Variants in FAM185A observed in about 807,000 individuals in gnomAD.
FAM185A encodes family with sequence similarity 185 member A.
FAM185A carries 21 observed loss-of-function variants against 45.7 expected under a neutral mutation model. That is an observed-to-expected ratio of 0.46 (90% CI 0.33 to 0.66). The LOEUF (loss-of-function observed/expected upper bound fraction) is 0.66, where lower values mean the gene tolerates loss of function less well. Ranked by LOEUF, FAM185A falls within the 30% of genes least tolerant of loss-of-function variation. The pLI, the probability that FAM185A is intolerant of heterozygous loss-of-function variation, is 0.03. For missense variants in FAM185A, 305 were observed against 485.4 expected (o/e 0.63, Z 3.49); for synonymous variants, 117 against 194.0 (o/e 0.60, Z 3.30).
In FAM185A at chr7:102,749,141, G is replaced by A; in HGVS notation, c.-67G>A. 6.5e-7 allele frequency: 1 copy of A among 1,536,280 alleles called. No individual in the cohort carries two copies. Among genetic ancestry groups the A allele is most frequent in the Non-Finnish European group, 8.8e-7 (1 of 1,133,916 alleles). The stretch of plus-strand genomic sequence containing the variant: ...CTTGAGGCGGCACAGTGGCCAAGTC[G>A]ATTGGCCGTGGCAAGTGACCCTCCC... On this transcript the variant is annotated 5_prime_UTR_variant, in exon 1 of 8. Coordinates refer to ENST00000413034, the MANE Select transcript of FAM185A (RefSeq NM_001145268.2).
the FAM185A span, among the ~76,000 whole-genome samples, chr7:102,824,214 T>C: frequency 6.6e-6 from 1 of 152,214 alleles, no homozygotes; most frequent in Admixed American, 6.5e-5. Flanking sequence ...AAGGTCCTGC[T>C]CCCAGCCTCA....
the FAM185A span, among the ~76,000 whole-genome samples, chr7:102,831,074 G>C: frequency 6.6e-6 from 1 of 152,104 alleles, no homozygotes; most frequent in African/African-American, 2.4e-5. Flanking sequence ...AGTCATTTTA[G>C]GTCTTTCATC....
chr7:102,789,290 A>T (rs572114933), intron 7 of FAM185A, among the ~76,000 whole-genome samples: 1 of 152,308 alleles, frequency 6.6e-6, no homozygotes, highest in Non-Finnish European at 1.5e-5. Context: ...CTAATTTTTA[A>T]AAAGTTTTTA....
intron 3 of FAM185A, among the ~76,000 whole-genome samples, chr7:102,760,951 C>A (rs1794075944): frequency 6.6e-6 from 1 of 151,972 alleles, no homozygotes; most frequent in Admixed American, 6.6e-5. Context: ...TTAAAAGATA[C>A]CTTGTACAAT....
chr7:102,793,096 A>G (rs1271416105), intron 7 of FAM185A, among the ~76,000 whole-genome samples: 8 of 152,380 alleles, frequency 5.3e-5, no homozygotes, highest in Admixed American at 2.6e-4. Flanking sequence ...AAGAAATTCA[A>G]TAACAGAATG....
At chr7:102,790,676 C>T (rs1408649242) in intron 7 of FAM185A, among the ~76,000 whole-genome samples, 2 of 152,220 alleles carry the variant, frequency 1.3e-5, no homozygotes, top group East Asian at 1.9e-4. Flanking sequence ...ACTATTCTCA[C>T]GACTTCAGTC....
At chr7:102,751,073 C>G (rs1793333613) in intron 1 of FAM185A, among the ~76,000 whole-genome samples, 1 of 152,102 alleles carries the variant, frequency 6.6e-6, no homozygotes, top group African/African-American at 2.4e-5. Flanking sequence ...GCTACCATGC[C>G]CGGCTAATGT....
At chr7:102,779,450 C>A (rs931197850) in intron 6 of FAM185A, among the ~76,000 whole-genome samples, 8 of 152,110 alleles carry the variant, frequency 5.3e-5, no homozygotes, top group Non-Finnish European at 8.8e-5. Flanking sequence ...AGGACAGAGA[C>A]AAGTGTTCAT....
chr7:102,822,719 T>G, the FAM185A span, among the ~76,000 whole-genome samples: 1 of 152,364 alleles, frequency 6.6e-6, no homozygotes, highest in Non-Finnish European at 1.5e-5. Context: ...AGTGAGTTGT[T>G]TAACTGTTTC....
chr7:102,768,839 G>C (rs1794571652), intron 4 of FAM185A, among the ~76,000 whole-genome samples: 1 of 151,962 alleles, frequency 6.6e-6, no homozygotes, highest in Non-Finnish European at 1.5e-5. Flanking sequence ...ACCATCTGGT[G>C]TCTGCTTTAT....
chr7:102,809,616 C>A (rs1357299933), downstream of FAM185A, among the ~76,000 whole-genome samples: 1 of 152,048 alleles, frequency 6.6e-6, no homozygotes, highest in East Asian at 1.9e-4. Flanking sequence ...GCAGGAGAAT[C>A]GCTTGAACCT....
At chr7:102,813,494 G>A (rs749127586), downstream of FAM185A, 2 of 1,614,006 alleles carry the variant, frequency 1.2e-6, no homozygotes, top group African/African-American at 1.3e-5. Flanking sequence ...TTGTATTCCT[G>A]CTGCTGAACT....
chr7:102,750,232 G>A (rs1793279385), intron 1 of FAM185A, among the ~76,000 whole-genome samples: 1 of 152,146 alleles, frequency 6.6e-6, no homozygotes, highest in Non-Finnish European at 1.5e-5. Context: ...CAATAATAAT[G>A]CCTGCAAGAT....
At chr7:102,831,649 G>A in the FAM185A span, among the ~76,000 whole-genome samples, 1 of 152,064 alleles carries the variant, frequency 6.6e-6, no homozygotes, top group Non-Finnish European at 1.5e-5. Flanking sequence ...CAGTTCCAAA[G>A]GTACACGGTG....
At chr7:102,778,201 C>G (rs1347499657) in intron 6 of FAM185A, among the ~76,000 whole-genome samples, 1 of 152,156 alleles carries the variant, frequency 6.6e-6, no homozygotes, top group African/African-American at 2.4e-5. Context: ...TTTTTTTAAT[C>G]CATCTCTAGA....
Position 102,755,853 on chromosome 7 carries a change from G to C in FAM185A, c.562-2001G>C. ...CGATGAGACCCACTGTCACTGGGAC[G>C]GCAATGTCCTGGGTCCCAAGTCTGT... On this transcript the variant is annotated intron_variant, in intron 2 of 7. Transcript: ENST00000413034. The C allele has an allele frequency of 7.7e-6, 5 of 649,908 alleles. No homozygotes were observed. The South Asian group carries it at 8.1e-5, about 11-fold the overall frequency. The allele number at this position is 649,908 out of a possible 1,614,324, so 40.3% of individuals were successfully genotyped here. A position where few individuals can be genotyped will look rare whatever the true frequency, so the allele number is the denominator to read the frequency against.
chr7:102,834,138 G>GAAAGAAAGAAAGA, the FAM185A span, among the ~76,000 whole-genome samples: 1 of 123,888 alleles, frequency 8.1e-6, no homozygotes, highest in African/African-American at 3.3e-5. Context: ...AAGAAAGAAA[G>GAAAGAAAGAAAGA]AAAAGAGAAG....
At chr7:102,774,168 A>T (rs1358683421) in intron 5 of FAM185A, among the ~76,000 whole-genome samples, 2 of 151,906 alleles carry the variant, frequency 1.3e-5, no homozygotes, top group Non-Finnish European at 2.9e-5. Flanking sequence ...GATCTGGCAC[A>T]TTTTTTTGTT....
chr7:102,802,944 T>TA, intron 7 of FAM185A, among the ~76,000 whole-genome samples: 1 of 152,104 alleles, frequency 6.6e-6, no homozygotes, highest in Middle Eastern at 3.4e-3. Context: ...AAGAGATGGA[T>TA]AAATTCCTGG....
Sources: allele counts gnomAD v4.1 joint callset (sites outside exome capture counted in the v4.1 genomes callset), GRCh38; gene constraint gnomAD v4.1.1; transcripts MANE v1.5; gene names NCBI Gene and HGNC (gene_info 2026-07-23, HGNC 2026-07-21).